Variants in GFOD2 observed in about 807,000 individuals in gnomAD.
GFOD2 encodes the protein Gfo/Idh/MocA-like oxidoreductase domain containing 2.
GFOD2 carries 9 observed loss-of-function variants against 24.6 expected under a neutral mutation model. That is an observed-to-expected ratio of 0.37 (90% CI 0.22 to 0.64). The LOEUF (loss-of-function observed/expected upper bound fraction) is 0.64, where lower values mean the gene tolerates loss of function less well. Ranked by LOEUF, GFOD2 falls within the 30% of genes least tolerant of loss-of-function variation. The pLI is 0.65. For missense variants in GFOD2, 476 were observed against 532.5 expected, an observed-to-expected ratio of 0.89 and a Z score of 1.04; for synonymous variants, 211 against 224.8, an observed-to-expected ratio of 0.94 and a Z score of 0.55.
chr16:67,697,007 A>G (rs2053364247), intron 1 of GFOD2, among the ~76,000 whole-genome samples: 1 of 152,042 alleles, frequency 6.6e-6, no homozygotes, highest in African/African-American at 2.4e-5. Context: ...ATCCTTGCAC[A>G]TATCCTTCAG....
intron 1 of GFOD2, among the ~76,000 whole-genome samples, chr16:67,708,432 G>T (rs548241505): frequency 1.1e-4 from 17 of 152,318 alleles, no homozygotes; most frequent in African/African-American, 3.8e-4. Context: ...CGTATCTGAA[G>T]ATGGCACTTT....
chr16:67,704,346 C>A (rs1029242191), intron 1 of GFOD2, among the ~76,000 whole-genome samples: 3 of 152,180 alleles, frequency 2.0e-5, no homozygotes, highest in Non-Finnish European at 4.4e-5. Context: ...GTAAACATTA[C>A]GTGCCCCGTG....
chr16:67,697,646 A>G (rs1460545753), intron 1 of GFOD2, among the ~76,000 whole-genome samples: 1 of 152,194 alleles, frequency 6.6e-6, no homozygotes, highest in Non-Finnish European at 1.5e-5. Flanking sequence ...TAAAAACAAG[A>G]AAGAAAAAGA....
intron 1 of GFOD2, among the ~76,000 whole-genome samples, chr16:67,694,629 C>A (rs193282583): frequency 5.1e-4 from 77 of 152,158 alleles, no homozygotes; most frequent in African/African-American, 1.9e-3. Context: ...ATTTTCAAGC[C>A]CAGCATCTCT....
intron 1 of GFOD2, among the ~76,000 whole-genome samples, chr16:67,704,571 A>G (rs574071674): frequency 2.0e-5 from 3 of 152,206 alleles, no homozygotes; most frequent in Non-Finnish European, 4.4e-5. Context: ...CACAGCTCAC[A>G]TTTAAATAAA....
At chr16:67,716,186 T>A (rs760339637) in intron 1 of GFOD2, among the ~76,000 whole-genome samples, 3 of 152,172 alleles carry the variant, frequency 2.0e-5, no homozygotes, top group Non-Finnish European at 4.4e-5. Flanking sequence ...TCTCCTCTTA[T>A]GGGAAAACTA....
At chr16:67,715,031 C>A (rs898080097) in intron 1 of GFOD2, among the ~76,000 whole-genome samples, 6 of 151,966 alleles carry the variant, frequency 3.9e-5, no homozygotes, top group African/African-American at 1.4e-4. Context: ...ATATTCGATT[C>A]TTCCTTCTTA....
chr16:67,678,851 A>G (rs200625253), intron 2 of GFOD2, among the ~76,000 whole-genome samples: 1 of 151,934 alleles, frequency 6.6e-6, no homozygotes, highest in East Asian at 1.9e-4. Context: ...AAATACAGAG[A>G]AAAAAAGCCC....
intron 1 of GFOD2, among the ~76,000 whole-genome samples, chr16:67,711,210 A>G (rs563537180): frequency 6.6e-6 from 1 of 152,240 alleles, no homozygotes; most frequent in African/African-American, 2.4e-5. Context: ...AAATCATACT[A>G]CAAATAACCA....
chr16:67,713,271 T>C (rs1021586167), intron 1 of GFOD2, among the ~76,000 whole-genome samples: 2 of 152,108 alleles, frequency 1.3e-5, no homozygotes, highest in African/African-American at 4.8e-5. Context: ...CAAATTCAAA[T>C]TGTTTTTCCT....
intron 1 of GFOD2, among the ~76,000 whole-genome samples, chr16:67,703,468 T>A (rs1018125605): frequency 1.3e-5 from 2 of 152,084 alleles, no homozygotes; most frequent in African/African-American, 4.8e-5. Flanking sequence ...GCATTCCTTG[T>A]AAAGAGGTGT....
At chr16:67,690,129 T>G (rs1488427261) in intron 1 of GFOD2, among the ~76,000 whole-genome samples, 1 of 152,202 alleles carries the variant, frequency 6.6e-6, no homozygotes, top group South Asian at 2.1e-4. Context: ...AATACTGATA[T>G]GAACATGGTG....
chr16:67,684,681 A>T, intron 2 of GFOD2: 1 of 899,210 alleles, frequency 1.1e-6, no homozygotes, highest in South Asian at 5.1e-5. Context: ...GGGCAACAAG[A>T]GGGAAACTCT....
chr16:67,683,107 C>T lies in GFOD2; in HGVS notation c.259+2350G>A, dbSNP rs527717983. On this transcript the variant is annotated intron_variant, in intron 2 of 2. Transcript: ENST00000268797. Reference sequence around the variant, plus strand: ...TCCCAAGTAGCTGGGACCACAGTCGCGTGCCACCATGCCTGGCTAATTTTT... The same window carrying T: ...TCCCAAGTAGCTGGGACCACAGTCGTGTGCCACCATGCCTGGCTAATTTTT... 33 of 638,668 alleles carry T rather than the reference C, an allele frequency of 5.2e-5. No individual in the cohort carries two copies. The South Asian group carries it at 1.8e-3, about 34-fold the overall frequency. 39.6% of individuals were successfully genotyped at this position (638,668 alleles called of 1,614,324 possible). A position where few individuals can be genotyped will look rare whatever the true frequency, so the allele number is the denominator to read the frequency against.
intron 2 of GFOD2, chr16:67,676,979 A>C (rs1381082498): frequency 2.6e-5 from 4 of 152,242 alleles, no homozygotes; most frequent in Non-Finnish European, 5.9e-5. Flanking sequence ...AGTCGAAGGA[A>C]ATCCTGTGCT....
At chr16:67,678,517 A>C (rs2142992433) in intron 2 of GFOD2, among the ~76,000 whole-genome samples, 1 of 151,656 alleles carries the variant, frequency 6.6e-6, no homozygotes, top group Admixed American at 6.6e-5. Context: ...GAAATGGCCG[A>C]TGTCCCACAT....
At chr16:67,717,112 T>A (rs2053512628) in intron 1 of GFOD2, among the ~76,000 whole-genome samples, 1 of 152,092 alleles carries the variant, frequency 6.6e-6, no homozygotes, top group South Asian at 2.1e-4. Context: ...GTGAGGCTGG[T>A]CTCAAACTCC....
At chr16:67,700,817 G>A (rs1009201455) in intron 1 of GFOD2, among the ~76,000 whole-genome samples, 101 of 150,676 alleles carry the variant, frequency 6.7e-4, no homozygotes, top group African/African-American at 2.4e-3. Context: ...CGGATCACCC[G>A]AGATCAGGAG....
intron 1 of GFOD2, among the ~76,000 whole-genome samples, chr16:67,718,948 G>A (rs2053525548): frequency 6.6e-6 from 1 of 152,174 alleles, no homozygotes; most frequent in Non-Finnish European, 1.5e-5. Context: ...CCAAGCCTGC[G>A]GGTCCTATTT....
Sources: allele counts gnomAD v4.1 joint callset (sites outside exome capture counted in the v4.1 genomes callset), GRCh38; gene constraint gnomAD v4.1.1; transcripts MANE v1.5; gene names NCBI Gene and HGNC (gene_info 2026-07-23, HGNC 2026-07-21).